The following WNT5A variants were observed in gnomAD, a reference collection of about 807,000 sequenced individuals.
The protein encoded by WNT5A is Wnt family member 5A, also known as protein Wnt-5a.
A neutral mutation model predicts 42.1 loss-of-function variants in WNT5A; 9 were observed. The ratio of observed to expected loss-of-function variants is 0.21; its 90% CI spans 0.13 to 0.37. The LOEUF (loss-of-function observed/expected upper bound fraction) is 0.37, where lower values mean the gene tolerates loss of function less well. WNT5A is among the 10% of genes least tolerant of loss of function. The pLI is 1.00. For synonymous variants in WNT5A, 210 were observed against 210.0 expected (o/e 1.00, Z 0.00); for missense variants, 426 against 534.0 (o/e 0.80, Z 1.99).
chr3:55,494,268 T>C (rs1028652930), upstream of WNT5A, among the ~76,000 whole-genome samples: 1 of 152,244 alleles, frequency 6.6e-6, no homozygotes, highest in Non-Finnish European at 1.5e-5. Context: ...TTCTCAATAA[T>C]TACTTTTGTT....
chr3:55,504,292 A>T, the WNT5A span, among the ~76,000 whole-genome samples: 7 of 152,066 alleles, frequency 4.6e-5, no homozygotes, highest in Admixed American at 3.3e-4. Context: ...TAAAATAAAA[A>T]AAGAAAGAAA....
upstream of WNT5A, among the ~76,000 whole-genome samples, chr3:55,495,294 T>C (rs748435221): frequency 2.6e-5 from 4 of 152,196 alleles, no homozygotes; most frequent in Non-Finnish European, 5.9e-5. Flanking sequence ...AACTTATTTC[T>C]CCTATCTAAC....
At chr3:55,484,908 C>T (rs1393712435) in intron 1 of WNT5A, among the ~76,000 whole-genome samples, 1 of 152,194 alleles carries the variant, frequency 6.6e-6, no homozygotes, top group Non-Finnish European at 1.5e-5. Flanking sequence ...AGGCGAAAAG[C>T]GGGAAAGCAA....
chr3:55,466,975 A>G lies in WNT5A; in HGVS notation c.*3117T>C, dbSNP rs2051154520. ...CAAAGGCTAATGTATCAATCTGTGG[A>G]GCACTGTCCAGATTTCCGTGTACAT... is the stretch of plus-strand genomic sequence containing the variant. On this transcript the variant is annotated 3_prime_UTR_variant, in exon 5 of 5. Transcript: ENST00000264634. The G allele has an allele frequency of 6.6e-6, 1 of 152,264 alleles. No homozygotes were observed. Among genetic ancestry groups the G allele is most frequent in the Non-Finnish European group, 1.5e-5 (1 of 68,032 alleles). The allele number at this position is 152,264 out of a possible 1,614,324, so 9.4% of individuals were successfully genotyped here. A position where few individuals can be genotyped will look rare whatever the true frequency, so the allele number is the denominator to read the frequency against.
At chr3:55,504,152 A>C in the WNT5A span, among the ~76,000 whole-genome samples, 32 of 151,984 alleles carry the variant, frequency 2.1e-4, no homozygotes, top group South Asian at 6.7e-3. Context: ...CAGGCCTGTA[A>C]TCTCAGCTAC....
chr3:55,489,091 T>C (rs1169243470), upstream of WNT5A: 3 of 152,076 alleles, frequency 2.0e-5, no homozygotes, highest in African/African-American at 7.2e-5. Flanking sequence ...CAAAACCGGG[T>C]TCCGGGCACC....
Position 55,480,899 on chromosome 3 carries a change from C to T in WNT5A, c.26G>A (p.Ser9Asn). 6.4e-7 allele frequency: 1 copy of T among 1,569,542 alleles called. No individual in the cohort carries two copies. Among genetic ancestry groups the T allele is most frequent in the Non-Finnish European group, 8.6e-7 (1 of 1,158,850 alleles). The change falls in exon 2 of 5, where the codon AGC (serine) becomes AAC (asparagine). Residue 9 changes from serine to asparagine, a missense_variant. Physicochemically the swap from Ser to Asn is conservative, Grantham distance 46 (BLOSUM62 1). Coordinates refer to ENST00000264634, the MANE Select transcript of WNT5A (RefSeq NM_003392.7). MKKSIGIL[S>N]PGVALGMAGS... ...AGCCATCCCCAAAGCAACTCCTGGG[C>T]TTAATATTCCAATGGACTTCTGGAG...
Position 55,479,524 on chromosome 3 carries a change from A to G in WNT5A, c.181T>C (p.Tyr61His). Residue 61 changes from tyrosine to histidine, a missense_variant, in exon 3 of 5, where the codon TAT (tyrosine) becomes CAT (histidine). Physicochemically the swap from Tyr to His is moderately conservative, Grantham distance 83. Coordinates refer to ENST00000264634, the MANE Select transcript of WNT5A (RefSeq NM_003392.7). ...CAGAGAGGCTGTGCTCCTATAATAT[A>G]TACTTCTGACATCTGAACAGGGTTA... ...MNNPVQMSEV[Y>H]IIGAQPLCSQ... is the part of the protein sequence containing the mutation. 1 of 1,613,390 alleles carries G rather than the reference A, an allele frequency of 6.2e-7. No individual in the cohort carries two copies. The highest frequency in any genetic ancestry group is 8.5e-7 in the Non-Finnish European group (1 of 1,179,558).
Position 55,483,324 on chromosome 3 carries a change from C to G in WNT5A, c.7-2406G>C, listed in dbSNP as rs768025417. ...AACCCCGCCGCTTGCCCGGAAACAC[C>G]TTGGCCCTCTTCCCTCTTCAATCCC... On this transcript the variant is annotated intron_variant, in intron 1 of 4. Coordinates refer to ENST00000264634, the MANE Select transcript of WNT5A (RefSeq NM_003392.7). This position sits in a 1 kb window ranked among gnomAD's most constrained non-coding sequence, Gnocchi z 4.2. Among the ~76,000 whole-genome samples the G allele has an allele frequency of 1.3e-5, 2 of 152,284 alleles. No individual in the cohort carries two copies. Among genetic ancestry groups the G allele is most frequent in the East Asian group, 1.9e-4 (1 of 5,166 alleles).
the WNT5A span, among the ~76,000 whole-genome samples, chr3:55,504,858 A>T: frequency 6.6e-6 from 1 of 152,230 alleles, no homozygotes; most frequent in Non-Finnish European, 1.5e-5. Context: ...ACTGAACATG[A>T]TCATGTAATA....
the WNT5A span, among the ~76,000 whole-genome samples, chr3:55,499,439 G>GACCTAC: frequency 1.3e-5 from 2 of 152,208 alleles, no homozygotes; most frequent in African/African-American, 2.4e-5. Context: ...TGCAGCCTGT[G>GACCTAC]ACCTACACCT....
chr3:55,477,110 A>G (rs2106933052), intron 3 of WNT5A, among the ~76,000 whole-genome samples: 1 of 152,232 alleles, frequency 6.6e-6, no homozygotes, highest in African/African-American at 2.4e-5. Context: ...AATTATTCTC[A>G]ATGTCCTTGG....
intron 3 of WNT5A, among the ~76,000 whole-genome samples, chr3:55,475,636 C>T (rs1258760997): frequency 6.6e-6 from 1 of 152,148 alleles, no homozygotes; most frequent in African/African-American, 2.4e-5. Flanking sequence ...CCTGCCCACT[C>T]CCCCACTGCC....
chr3:55,474,079 A>G (rs2051301646), intron 4 of WNT5A, among the ~76,000 whole-genome samples: 2 of 152,014 alleles, frequency 1.3e-5, no homozygotes, highest in African/African-American at 4.8e-5. Flanking sequence ...ACAAAGGGGG[A>G]GAAGAGAGAG....
chr3:55,471,007 G>T (rs116737715), intron 4 of WNT5A, among the ~76,000 whole-genome samples: 4,326 of 152,246 alleles, frequency 0.028, 76 homozygotes, highest in Middle Eastern at 0.051. Context: ...GGGAGTAAAG[G>T]TGCCAGGATT....
In WNT5A at chr3:55,487,268, G is replaced by A. The variant is rs1249600489; in HGVS notation, c.-283C>T. 3 of 444,674 alleles carry A rather than the reference G, an allele frequency of 6.7e-6. No individual in the cohort carries two copies. The highest frequency in any genetic ancestry group is 2.1e-5 in the African/African-American group (1 of 48,166). The allele number at this position is 444,674 out of a possible 1,614,324, so 27.5% of individuals were successfully genotyped here. On this transcript the variant is annotated 5_prime_UTR_variant, in exon 1 of 5. Coordinates refer to ENST00000264634, the MANE Select transcript of WNT5A (RefSeq NM_003392.7). ...GCAGGGCCTGGTCGGGGCGCAACTA[G>A]GGAGCCGCCGGTCCGGCGAGGGCGC...
upstream of WNT5A, among the ~76,000 whole-genome samples, chr3:55,495,454 T>A (rs938212040): frequency 1.3e-5 from 2 of 152,230 alleles, no homozygotes; most frequent in African/African-American, 2.4e-5. Flanking sequence ...TCTCTGTGCC[T>A]CGCTTATTTT....
rs1484206322 is a variant in WNT5A, at chr3:55,487,276, C to A, written c.-291G>T. Reference sequence around the variant, plus strand: ...TGGTCGGGGCGCAACTAGGGAGCCGCCGGTCCGGCGAGGGCGCGCAGGCAA... The same window carrying A: ...TGGTCGGGGCGCAACTAGGGAGCCGACGGTCCGGCGAGGGCGCGCAGGCAA... On this transcript the variant is annotated 5_prime_UTR_variant, in exon 1 of 5. Transcript: ENST00000264634. 2.3e-6 allele frequency: 1 copy of A among 436,172 alleles called. No homozygotes were observed. Among genetic ancestry groups the A allele is most frequent in the Admixed American group, 4.2e-5 (1 of 23,976 alleles). 27.0% of individuals were successfully genotyped at this position (436,172 alleles called of 1,614,324 possible). A position where few individuals can be genotyped will look rare whatever the true frequency, so the allele number is the denominator to read the frequency against.
At chr3:55,472,124 T>G (rs2051262905) in intron 4 of WNT5A, among the ~76,000 whole-genome samples, 1 of 152,146 alleles carries the variant, frequency 6.6e-6, no homozygotes, top group Non-Finnish European at 1.5e-5. Context: ...AAAAACTGTC[T>G]TCTTCGTAAC....
Sources: allele counts gnomAD v4.1 joint callset (sites outside exome capture counted in the v4.1 genomes callset), GRCh38; gene constraint gnomAD v4.1.1; non-coding constraint Gnocchi (gnomAD v3.1); transcripts MANE v1.5; gene names NCBI Gene and HGNC (gene_info 2026-07-23, HGNC 2026-07-21).